DLGAP2: variants seen among roughly 807,000 people sequenced by gnomAD.
DLGAP2 encodes DLG associated protein 2.
DLGAP2 carries 26 observed loss-of-function variants against 100.3 expected under a neutral mutation model. The ratio of observed to expected loss-of-function variants is 0.26; its 90% CI spans 0.19 to 0.36. The LOEUF (loss-of-function observed/expected upper bound fraction) is 0.36. Ranked by LOEUF, DLGAP2 falls within the 10% of genes least tolerant of loss-of-function variation. DLGAP2 has a pLI of 1.00. For synonymous variants in DLGAP2, 886 were observed against 630.1 expected (o/e 1.41, Z -6.08); for missense variants, 1,858 against 1,453.2 (o/e 1.28, Z -4.53).
intron 8 of DLGAP2, among the ~76,000 whole-genome samples, chr8:1,664,007 T>C (rs761620381): frequency 4.6e-5 from 7 of 152,182 alleles, no homozygotes; most frequent in Admixed American, 2.0e-4. Context: ...CAAGTAAAGT[T>C]TGCAGTATCC....
At position 1,532,739 on chromosome 8, in the gene DLGAP2, G is replaced by A. The variant is rs373797538; in HGVS notation, c.173-15887G>A. On this transcript the variant is annotated intron_variant, in intron 4 of 14. Transcript: ENST00000637795. ...TTAAAATAGGTAGAAAGGAAAGATC[G>A]GGTTTGTGAAAATACTCTTTCTCTG... Among the ~76,000 whole-genome samples the A allele has an allele frequency of 3.9e-4, 60 of 152,232 alleles. No individual in the cohort carries two copies. In the South Asian group the frequency reaches 5.8e-3, roughly 15 times the overall value.
chr8:1,284,672 A>C (rs1799887278), intron 3 of DLGAP2, among the ~76,000 whole-genome samples: 1 of 152,144 alleles, frequency 6.6e-6, no homozygotes, highest in Non-Finnish European at 1.5e-5. Context: ...CCCAGGTTGG[A>C]ATGAAGTGGC....
intron 3 of DLGAP2, among the ~76,000 whole-genome samples, chr8:1,489,316 C>A (rs1799311261): frequency 6.6e-6 from 1 of 152,210 alleles, no homozygotes; most frequent in Admixed American, 6.5e-5. Context: ...GCAAGAGGCA[C>A]CATGCGTGGA....
intron 3 of DLGAP2, among the ~76,000 whole-genome samples, chr8:1,313,101 G>C (rs1337553737): frequency 6.6e-6 from 1 of 152,210 alleles, no homozygotes; most frequent in Non-Finnish European, 1.5e-5. Flanking sequence ...GACCCGGTCA[G>C]ATATTTGATG....
intron 2 of DLGAP2, among the ~76,000 whole-genome samples, chr8:1,040,047 G>A (rs1358733927): frequency 6.7e-6 from 1 of 149,060 alleles, no homozygotes; most frequent in East Asian, 2.0e-4. Flanking sequence ...TGCATGGTCG[G>A]CTCGGTGTGC....
At chr8:1,328,586 G>T (rs1401552081) in intron 3 of DLGAP2, among the ~76,000 whole-genome samples, 3 of 152,098 alleles carry the variant, frequency 2.0e-5, no homozygotes, top group Non-Finnish European at 4.4e-5. Flanking sequence ...CCTGACCTCA[G>T]GTGATCTGCC....
chr8:994,411 G>A (rs1009844989), intron 2 of DLGAP2, among the ~76,000 whole-genome samples: 1 of 152,076 alleles, frequency 6.6e-6, no homozygotes. Flanking sequence ...TGTTGGTCAG[G>A]CTGGTCTCGA....
chr8:1,413,035 C>T (rs918986829), intron 3 of DLGAP2, among the ~76,000 whole-genome samples: 3 of 152,146 alleles, frequency 2.0e-5, no homozygotes, highest in Non-Finnish European at 1.5e-5. Flanking sequence ...CAAGTGTCCC[C>T]TCCTCTGTGA....
intron 8 of DLGAP2, among the ~76,000 whole-genome samples, chr8:1,657,382 C>T (rs1398475916): frequency 1.3e-5 from 2 of 152,208 alleles, no homozygotes; most frequent in Non-Finnish European, 2.9e-5. Flanking sequence ...GTGATAAACG[C>T]ATGCTAGGCG....
At chr8:986,293 G>A (rs537523074) in intron 2 of DLGAP2, among the ~76,000 whole-genome samples, 4 of 152,154 alleles carry the variant, frequency 2.6e-5, no homozygotes, top group African/African-American at 9.7e-5. Flanking sequence ...TTTCCTTTAT[G>A]CTAATGGCAA....
At chr8:1,040,097 G>T (rs1585003872) in intron 2 of DLGAP2, among the ~76,000 whole-genome samples, 3 of 148,868 alleles carry the variant, frequency 2.0e-5, no homozygotes, top group East Asian at 4.1e-4. Context: ...GGTTTCCGTG[G>T]TCGGCTCGGT....
At chr8:958,148 G>A (rs144192910) in intron 2 of DLGAP2, among the ~76,000 whole-genome samples, 2 of 152,194 alleles carry the variant, frequency 1.3e-5, no homozygotes, top group African/African-American at 4.8e-5. Flanking sequence ...TTATAATGTT[G>A]ATCTGGCTTA....
intron 3 of DLGAP2, among the ~76,000 whole-genome samples, chr8:1,424,177 C>T (rs1186020568): frequency 3.3e-5 from 5 of 152,194 alleles, no homozygotes; most frequent in Non-Finnish European, 5.9e-5. Flanking sequence ...CTCTCTTTCA[C>T]GCAAGTTGAG....
chr8:778,078 C>T (rs995306467), intron 1 of DLGAP2, among the ~76,000 whole-genome samples: 6 of 151,714 alleles, frequency 4.0e-5, no homozygotes, highest in African/African-American at 9.7e-5. Context: ...CTTCCCTTCT[C>T]GTTTCATTTC....
intron 1 of DLGAP2, among the ~76,000 whole-genome samples, chr8:825,220 C>T (rs1796664449): frequency 6.6e-6 from 1 of 152,202 alleles, no homozygotes; most frequent in African/African-American, 2.4e-5. Flanking sequence ...GCCCTGGACG[C>T]CTGAGAACCA....
chr8:898,558 G>T (rs563142826), intron 1 of DLGAP2, among the ~76,000 whole-genome samples: 1 of 152,260 alleles, frequency 6.6e-6, no homozygotes, highest in African/African-American at 2.4e-5. Context: ...TGCAGGGAAG[G>T]GGCCTGGAGA....
chr8:1,595,673 CAA>C (rs760901814), intron 6 of DLGAP2, among the ~76,000 whole-genome samples: 2 of 98,516 alleles, frequency 2.0e-5, no homozygotes, highest in African/African-American at 3.5e-5. Context: ...GACTCCGTCT[CAA>C]AAAAAAAAAA....
intron 1 of DLGAP2, among the ~76,000 whole-genome samples, chr8:827,349 G>A (rs1796700903): frequency 1.3e-5 from 2 of 152,174 alleles, no homozygotes; most frequent in Non-Finnish European, 2.9e-5. Context: ...GGCATTGAAT[G>A]GTAGCAGACT....
intron 2 of DLGAP2, among the ~76,000 whole-genome samples, chr8:934,654 T>C (rs1412061736): frequency 2.0e-5 from 3 of 152,144 alleles, no homozygotes; most frequent in African/African-American, 7.2e-5. Context: ...GAGCGGGCAC[T>C]GGGTGCAGAT....
Sources: gnomAD v4.1 joint callset for allele counts (sites outside exome capture counted in the v4.1 genomes callset) on GRCh38, gnomAD v4.1.1 for gene constraint, MANE v1.5 for transcripts, NCBI Gene and HGNC (gene_info 2026-07-23, HGNC 2026-07-21) for gene names.